BARD1: variants seen among roughly 807,000 people sequenced by gnomAD.
BARD1 encodes BRCA1 associated RING domain 1.
In BARD1, 73 loss-of-function variants were observed where a neutral mutation model predicts 77.0. The observed-to-expected ratio is 0.95, with a 90% CI of 0.79 to 1.15. The LOEUF (loss-of-function observed/expected upper bound fraction) is 1.15, where lower values mean the gene tolerates loss of function less well. Ranked by LOEUF, BARD1 falls within the 50% of genes most tolerant of loss-of-function variation. The pLI is 0.00. For missense variants in BARD1, 993 were observed against 938.8 expected, an observed-to-expected ratio of 1.06 and a Z score of -0.75; for synonymous variants, 384 against 338.0, an observed-to-expected ratio of 1.14 and a Z score of -1.49.
At chr2:214,755,143 A>G (rs572500608) in intron 6 of BARD1, among the ~76,000 whole-genome samples, 1 of 152,332 alleles carries the variant, frequency 6.6e-6, no homozygotes, top group Admixed American at 6.5e-5. Context: ...AATAGGTACT[A>G]CATACAGGAA....
intron 7 of BARD1, among the ~76,000 whole-genome samples, chr2:214,749,778 C>A (rs1323636009): frequency 8.6e-6 from 1 of 116,578 alleles, no homozygotes; most frequent in Non-Finnish European, 1.8e-5. Flanking sequence ...AAGAAAAAAA[C>A]AACCTTTTTT....
At chr2:214,770,571 T>C (rs948428337) in intron 4 of BARD1, among the ~76,000 whole-genome samples, 1 of 152,236 alleles carries the variant, frequency 6.6e-6, no homozygotes, top group Non-Finnish European at 1.5e-5. Flanking sequence ...ACAATATTAA[T>C]TCGACTTTCA....
Position 214,780,252 on chromosome 2 carries a change from A to G in BARD1, c.1314+308T>C, listed in dbSNP as rs553871866. Among the ~76,000 whole-genome samples, 7 of 152,370 alleles carry G rather than the reference A, an allele frequency of 4.6e-5. No individual in the cohort carries two copies. The East Asian group carries it at 1.3e-3, about 29-fold the overall frequency. On this transcript the variant is annotated intron_variant, in intron 4 of 10. Transcript: ENST00000260947. The stretch of plus-strand genomic sequence containing the variant: ...TTGTCTACATTCATAAAGCATGAAG[A>G]CAGGTAAACAAAATGATAAAAACTG...
chr2:214,759,170 C>A (rs1221888334), intron 6 of BARD1, among the ~76,000 whole-genome samples: 1 of 152,160 alleles, frequency 6.6e-6, no homozygotes, highest in African/African-American at 2.4e-5. Context: ...TAACCTAGGG[C>A]AGTGGGACAA....
chr2:214,765,462 T>C (rs960822622), intron 6 of BARD1, among the ~76,000 whole-genome samples: 1 of 152,182 alleles, frequency 6.6e-6, no homozygotes. Context: ...CCATGTTTTA[T>C]AGGTGAGGAC....
At chr2:214,766,110 T>C (rs2106072662) in intron 6 of BARD1, among the ~76,000 whole-genome samples, 1 of 152,296 alleles carries the variant, frequency 6.6e-6, no homozygotes, top group East Asian at 1.9e-4. Flanking sequence ...AATAAAATAC[T>C]ACATAGGGAG....
In BARD1 at chr2:214,781,065, T is replaced by G; in HGVS notation, c.809A>C (p.Glu270Ala). The change falls in exon 4 of 11, where the codon GAA becomes GCA. Residue 270 changes from glutamate to alanine, a missense_variant. Coordinates refer to ENST00000260947, the MANE Select transcript of BARD1 (RefSeq NM_000465.4). ...GACTTCAGTTAAACTTCCAAAACATTCAGATTCTGTCAAGGAGCCACTTGC... is the reference window on the plus strand; with the variant it reads ...GACTTCAGTTAAACTTCCAAAACATGCAGATTCTGTCAAGGAGCCACTTGC... The part of the protein sequence containing the change: ...LLASGSLTES[E>A]CFGSLTEVSL... The G allele has an allele frequency of 6.2e-7, 1 of 1,602,546 alleles. No individual in the cohort carries two copies. Among genetic ancestry groups the G allele is most frequent in the Non-Finnish European group, 8.5e-7 (1 of 1,175,832 alleles).
At position 214,752,461 on chromosome 2, in the gene BARD1, T is replaced by A; in HGVS notation, c.1663A>T (p.Ser555Cys). 1 of 1,611,452 alleles carries A rather than the reference T, an allele frequency of 6.2e-7. No homozygotes were observed. Among genetic ancestry groups the A allele is most frequent in the Non-Finnish European group, 8.5e-7 (1 of 1,177,722 alleles). ...TCCATACTTACTACTGAGCAGTGGC[T>A]AGCTGAGGATGATTCATTCTTCTCT... is the stretch of plus-strand genomic sequence containing the variant. Reference protein sequence around the residue: ...LPEKNESSSASHCSVMNTGQR... With the variant: ...LPEKNESSSACHCSVMNTGQR... The change falls in exon 7 of 11, where the codon AGC (serine) becomes TGC (cysteine). Residue 555 changes from serine to cysteine, a missense_variant. Transcript: ENST00000260947.
intron 1 of BARD1, among the ~76,000 whole-genome samples, chr2:214,806,905 G>C (rs1230909972): frequency 6.9e-6 from 1 of 145,958 alleles, no homozygotes; most frequent in Non-Finnish European, 1.5e-5. Context: ...CACCCCATGT[G>C]ATATAAAATT....
In BARD1 at chr2:214,780,884, A is replaced by T; in HGVS notation, c.990T>A (p.Ser330Arg). ...TGGTTCTACATCTCTTAGAAATGGG[A>T]CTGGAAAGTCTATTGTGATGGCCAC... ...GKRGHHNRLSSPISKRCRTSI... is the reference protein window; with the variant it reads ...GKRGHHNRLSRPISKRCRTSI... Residue 330 changes from serine to arginine, a missense_variant, in exon 4 of 11, where the codon AGT becomes AGA. Transcript: ENST00000260947. 2 of 1,614,126 alleles carry T rather than the reference A, an allele frequency of 1.2e-6. No individual in the cohort carries two copies. The highest frequency in any genetic ancestry group is 1.7e-6 in the Non-Finnish European group (2 of 1,180,002).
In BARD1 at chr2:214,792,194, C is replaced by T. The variant is rs573012637; in HGVS notation, c.364+103G>A. 2.1e-5 allele frequency: 19 copies of T among 892,980 alleles called. No homozygotes were observed. In the East Asian group the frequency reaches 5.3e-4, roughly 25 times the overall value. The allele number at this position is 892,980 out of a possible 1,614,324, so 55.3% of individuals were successfully genotyped here. A position where few individuals can be genotyped will look rare whatever the true frequency, so the allele number is the denominator to read the frequency against. ...CCTACAGATTTTAAAATCTGAAATA[C>T]GTATTCCAGAACTCCAGATAGATGT... On this transcript the variant is annotated intron_variant, in intron 3 of 10. Coordinates refer to ENST00000260947, the MANE Select transcript of BARD1 (RefSeq NM_000465.4).
At chr2:214,749,570 G>C (rs578150150) in intron 7 of BARD1, among the ~76,000 whole-genome samples, 2 of 152,078 alleles carry the variant, frequency 1.3e-5, no homozygotes, top group Admixed American at 6.5e-5. Flanking sequence ...CTTTATTCTT[G>C]ACACATTTAA....
chr2:214,757,123 TG>T (rs1693730102), intron 6 of BARD1, among the ~76,000 whole-genome samples: 3 of 152,076 alleles, frequency 2.0e-5, no homozygotes. Flanking sequence ...CTGTATAGCC[TG>T]GGGAGCCATG....
rs1692289600 is a variant in BARD1 at position 214,730,249 on chromosome 2, T to C, written c.2001+162A>G. ...GAAATTATTACCTTCTGGATTTTACTGCTCATCGTGATCATCTTTCAGAAT... is the reference window on the plus strand; with the variant it reads ...GAAATTATTACCTTCTGGATTTTACCGCTCATCGTGATCATCTTTCAGAAT... On this transcript the variant is annotated intron_variant, in intron 10 of 10. Transcript: ENST00000260947. The C allele has an allele frequency of 2.8e-5, 19 of 668,140 alleles. No individual in the cohort carries two copies. The South Asian group carries it at 3.2e-4, about 11-fold the overall frequency. The allele number at this position is 668,140 out of a possible 1,614,324, so 41.4% of individuals were successfully genotyped here. A position where few individuals can be genotyped will look rare whatever the true frequency, so the allele number is the denominator to read the frequency against.
At position 214,769,235 on chromosome 2, in the gene BARD1, T is replaced by C. The variant is rs2106081063; in HGVS notation, c.1392A>G (p.Pro464=). Residue 464 remains proline, a synonymous_variant, in exon 5 of 11, where the codon CCA becomes CCG. Coordinates refer to ENST00000260947, the MANE Select transcript of BARD1 (RefSeq NM_000465.4). The part of the protein sequence containing the change: ...PNVKDHAGWT[P]LHEACNHGHL... Reference sequence around the variant, plus strand: ...AGAATAAAAACCAGACAACTACCAATGGTGTCCATCCAGCATGGTCTTTAA... The same window carrying C: ...AGAATAAAAACCAGACAACTACCAACGGTGTCCATCCAGCATGGTCTTTAA... 1 of 1,610,140 alleles carries C rather than the reference T, an allele frequency of 6.2e-7. No homozygotes were observed.
chr2:214,780,643 G>C lies in BARD1; in HGVS notation c.1231C>G (p.Pro411Ala), dbSNP rs786203825. 1 of 1,614,078 alleles carries C rather than the reference G, an allele frequency of 6.2e-7. No homozygotes were observed. Among genetic ancestry groups the C allele is most frequent in the Non-Finnish European group, 8.5e-7 (1 of 1,179,984 alleles). The change falls in exon 4 of 11, where the codon CCC becomes GCC. Residue 411 changes from proline to alanine, a missense_variant. Pro to Ala is a conservative substitution (Grantham distance 27). Transcript: ENST00000260947. ...TTGGGCAACAGCTTCATTGCTGAGG[G>C]ACTAGACATCACTCGCCTGTAACTT... ...SSSYRRVMSSPSAMKLLPNMA... is the reference protein window; with the variant it reads ...SSSYRRVMSSASAMKLLPNMA...
At chr2:214,774,525 G>C (rs1239452890) in intron 4 of BARD1, among the ~76,000 whole-genome samples, 1 of 152,168 alleles carries the variant, frequency 6.6e-6, no homozygotes, top group African/African-American at 2.4e-5. Flanking sequence ...TATCTTTCCT[G>C]AACAGTAGGT....
At chr2:214,786,356 T>C (rs1412329608) in intron 3 of BARD1, among the ~76,000 whole-genome samples, 1 of 152,036 alleles carries the variant, frequency 6.6e-6, no homozygotes, top group Non-Finnish European at 1.5e-5. Flanking sequence ...TTTAGTCATT[T>C]TTTATCCACA....
chr2:214,804,010 T>A (rs1696152213), intron 1 of BARD1, among the ~76,000 whole-genome samples: 1 of 152,246 alleles, frequency 6.6e-6, no homozygotes, highest in Non-Finnish European at 1.5e-5. Flanking sequence ...CTTAATAGAA[T>A]GGCTCCCCTG....
Sources: allele counts gnomAD v4.1 joint callset (sites outside exome capture counted in the v4.1 genomes callset), GRCh38; gene constraint gnomAD v4.1.1; transcripts MANE v1.5; gene names NCBI Gene and HGNC (gene_info 2026-07-23, HGNC 2026-07-21).